Variants in EXT1 observed in about 807,000 individuals in gnomAD.
EXT1 encodes exostosin glycosyltransferase 1, also known as exostosin-1.
A neutral mutation model predicts 82.5 loss-of-function variants in EXT1; 20 were observed. That is an observed-to-expected ratio of 0.24 (90% CI 0.17 to 0.35). The LOEUF (loss-of-function observed/expected upper bound fraction) is 0.35. Among genes scored for constraint, EXT1 ranks in the 10% least tolerant of loss-of-function variants. The probability of loss-of-function intolerance (pLI) is 1.00; values close to 1 mark genes in which losing one functional copy is unlikely to be tolerated. For missense variants in EXT1, 757 were observed against 936.5 expected, an observed-to-expected ratio of 0.81 and a Z score of 2.50; for synonymous variants, 348 against 350.8, an observed-to-expected ratio of 0.99 and a Z score of 0.09.
intron 1 of EXT1, among the ~76,000 whole-genome samples, chr8:117,914,967 G>A (rs549092533): frequency 6.6e-6 from 1 of 152,200 alleles, no homozygotes; most frequent in African/African-American, 2.4e-5. Flanking sequence ...TTTGAAGCAT[G>A]TGATCTTTGT....
intron 1 of EXT1, among the ~76,000 whole-genome samples, chr8:118,056,595 G>A (rs1178101244): frequency 8.5e-5 from 13 of 152,176 alleles, no homozygotes; most frequent in Admixed American, 8.5e-4. Flanking sequence ...GAAGTACTTG[G>A]CCCTGGGTGA....
chr8:117,821,428 A>C, intron 5 of EXT1, among the ~76,000 whole-genome samples: 1 of 152,240 alleles, frequency 6.6e-6, no homozygotes, highest in African/African-American at 2.4e-5. Context: ...CTCCAAAGGA[A>C]GATCTAAATA....
chr8:117,908,142 G>A (rs1362065232), intron 1 of EXT1, among the ~76,000 whole-genome samples: 1 of 152,170 alleles, frequency 6.6e-6, no homozygotes, highest in Non-Finnish European at 1.5e-5. Flanking sequence ...TAAATACTGT[G>A]TGCTGGAAAA....
At chr8:117,993,803 G>C (rs1815483028) in intron 1 of EXT1, among the ~76,000 whole-genome samples, 1 of 152,178 alleles carries the variant, frequency 6.6e-6, no homozygotes, top group South Asian at 2.1e-4. Context: ...AAATGTCCTG[G>C]TTATCTTGCG....
At chr8:117,904,916 T>C (rs1055557903) in intron 1 of EXT1, among the ~76,000 whole-genome samples, 2 of 152,160 alleles carry the variant, frequency 1.3e-5, no homozygotes, top group African/African-American at 4.8e-5. Context: ...GTGAAGGATT[T>C]ACTCTAGGAA....
rs747195165 is a variant in EXT1 at position 118,017,956 on chromosome 8, G to A, written c.962+92129C>T. On this transcript the variant is annotated intron_variant, in intron 1 of 10. Coordinates refer to ENST00000378204, the MANE Select transcript of EXT1 (RefSeq NM_000127.3). The stretch of plus-strand genomic sequence containing the variant: ...CCACACATTGGCTCAGAGCAATTTC[G>A]CTTTCCAGAATGATTCCCTTAACTG... 7.2e-5 allele frequency among the ~76,000 whole-genome samples: 11 copies of A among 152,182 alleles called. No homozygotes were observed. The East Asian group carries it at 1.2e-3, about 16-fold the overall frequency.
intron 1 of EXT1, among the ~76,000 whole-genome samples, chr8:117,973,855 G>A (rs1478265477): frequency 7.5e-6 from 1 of 133,622 alleles, no homozygotes; most frequent in Non-Finnish European, 1.6e-5. Context: ...GGAAAGGAAA[G>A]GAAAGGAAAG....
At chr8:117,858,769 GCAGGCAGGCAGGCAGGCAGGC>G (rs1563582025) in intron 1 of EXT1, among the ~76,000 whole-genome samples, 3 of 97,532 alleles carry the variant, frequency 3.1e-5, no homozygotes, top group Non-Finnish European at 2.1e-5. Flanking sequence ...AGGAAGGAAG[GCAGGCAGGCAGGCAGGCAGGC>G]AAGGCAAGGC....
intron 1 of EXT1, among the ~76,000 whole-genome samples, chr8:117,930,298 G>A (rs1335176252): frequency 6.6e-6 from 1 of 151,956 alleles, no homozygotes; most frequent in Non-Finnish European, 1.5e-5. Context: ...GGAGCGGAAG[G>A]GTGGAGAATG....
At chr8:117,893,505 A>G (rs1813283722) in intron 1 of EXT1, among the ~76,000 whole-genome samples, 1 of 152,174 alleles carries the variant, frequency 6.6e-6, no homozygotes, top group Non-Finnish European at 1.5e-5. Context: ...TTGCTGGGTG[A>G]AAATGGAATT....
At chr8:117,995,514 G>A (rs570147016) in intron 1 of EXT1, among the ~76,000 whole-genome samples, 1 of 152,054 alleles carries the variant, frequency 6.6e-6, no homozygotes. Context: ...TGAAGGACGT[G>A]GTTGGCAGGG....
intron 1 of EXT1, among the ~76,000 whole-genome samples, chr8:117,910,260 GGGGCTGCTGATGATGAAGAAACC>G (rs1813620671): frequency 1.3e-5 from 2 of 152,170 alleles, no homozygotes; most frequent in African/African-American, 4.8e-5. Context: ...GAGGTCAAAG[GGGGCTGCTGATGATGAAGAAACC>G]GGGCTGCCAG....
chr8:117,980,850 C>G (rs1274387516), intron 1 of EXT1, among the ~76,000 whole-genome samples: 1 of 152,068 alleles, frequency 6.6e-6, no homozygotes, highest in East Asian at 1.9e-4. Flanking sequence ...GCCGCAGTCC[C>G]CGGCCACCAG....
At chr8:117,894,030 G>T (rs1251368062) in intron 1 of EXT1, among the ~76,000 whole-genome samples, 2 of 152,036 alleles carry the variant, frequency 1.3e-5, no homozygotes, top group African/African-American at 2.4e-5. Flanking sequence ...CCTTTTAGGG[G>T]CTATCTACCC....
chr8:117,862,989 G>A (rs1812710798), intron 1 of EXT1, among the ~76,000 whole-genome samples: 1 of 152,122 alleles, frequency 6.6e-6, no homozygotes, highest in African/African-American at 2.4e-5. Context: ...GAGTGGTGGA[G>A]GTGTTGGCAG....
At chr8:117,805,837 C>A (rs1293418684) in intron 9 of EXT1, among the ~76,000 whole-genome samples, 1 of 152,182 alleles carries the variant, frequency 6.6e-6, no homozygotes, top group Non-Finnish European at 1.5e-5. Flanking sequence ...TTACTCCAGT[C>A]CCCTGGCTTT....
chr8:117,926,776 C>T (rs1032833156), intron 1 of EXT1, among the ~76,000 whole-genome samples: 1 of 152,124 alleles, frequency 6.6e-6, no homozygotes, highest in Admixed American at 6.6e-5. Flanking sequence ...AAAGGCTTTG[C>T]CTATAAACAT....
chr8:117,822,320 G>T (rs555875677), intron 5 of EXT1, 145 bp downstream of exon 5: 2 of 898,840 alleles, frequency 2.2e-6, no homozygotes, highest in South Asian at 3.0e-5. Flanking sequence ...AACTTGATAT[G>T]TCACTTATAA....
intron 1 of EXT1, among the ~76,000 whole-genome samples, chr8:118,051,702 C>T (rs79823526): frequency 0.011 from 1,736 of 152,300 alleles, 16 homozygotes; most frequent in Middle Eastern, 0.024. Context: ...TTGACTGTTT[C>T]CAAACACGGA....
Sources: allele counts gnomAD v4.1 joint callset (sites outside exome capture counted in the v4.1 genomes callset), GRCh38; gene constraint gnomAD v4.1.1; transcripts MANE v1.5; gene names NCBI Gene and HGNC (gene_info 2026-07-23, HGNC 2026-07-21).